UBA5: variants seen among roughly 807,000 people sequenced by gnomAD.
UBA5 encodes the protein ubiquitin like modifier activating enzyme 5.
In UBA5, 28 loss-of-function variants were observed where a neutral mutation model predicts 52.9. The observed-to-expected ratio is 0.53, with a 90% confidence interval of 0.39 to 0.73. The LOEUF (loss-of-function observed/expected upper bound fraction) is 0.73, where lower values mean the gene tolerates loss of function less well. Among genes scored for constraint, UBA5 ranks in the 30% least tolerant of loss-of-function variants. The probability of loss-of-function intolerance (pLI) is 0.00; values close to 1 mark genes in which losing one functional copy is unlikely to be tolerated. For synonymous variants in UBA5, 135 were observed against 162.1 expected (o/e 0.83, Z 1.27); for missense variants, 388 against 492.7 (o/e 0.79, Z 2.01).
chr3:132,676,300 T>C lies in UBA5; in HGVS notation c.1132-143T>C, dbSNP rs1938836547. The C allele has an allele frequency of 1.6e-6, 1 of 635,836 alleles. No homozygotes were observed. Among genetic ancestry groups the C allele is most frequent in the South Asian group, 2.0e-5 (1 of 49,882 alleles). The allele number at this position is 635,836 out of a possible 1,614,324, so 39.4% of individuals were successfully genotyped here. A position where few individuals can be genotyped will look rare whatever the true frequency, so the allele number is the denominator to read the frequency against. ...GGAATGTAAAAGACTCTGTCTTTCT[T>C]CTAAAAATTAGAAGATAGTTGTTAA... On this transcript the variant is annotated intron_variant, in intron 11 of 11. Coordinates refer to ENST00000356232, the MANE Select transcript of UBA5 (RefSeq NM_024818.6). The surrounding 1 kb of genome is among the most constrained non-coding windows in gnomAD (Gnocchi z 4.1).
At chr3:132,670,851 TA>T (rs1454913777) in intron 5 of UBA5, 113 bp from the exon 6 acceptor site, 1 of 597,286 alleles carries the variant, frequency 1.7e-6, no homozygotes, top group Non-Finnish European at 2.8e-6. Flanking sequence ...TATTATGTAA[TA>T]ATTATAGTCA....
upstream of UBA5, among the ~76,000 whole-genome samples, chr3:132,658,111 C>A (rs547137332): frequency 6.6e-6 from 1 of 152,278 alleles, no homozygotes; most frequent in Admixed American, 6.5e-5. Flanking sequence ...GATCCACGTG[C>A]CTCGGCCTCC....
At chr3:132,668,687 A>T in intron 3 of UBA5, 131 bp from the exon 4 acceptor site, 1 of 553,214 alleles carries the variant, frequency 1.8e-6, no homozygotes, top group Non-Finnish European at 3.2e-6. Context: ...TATGGCACCT[A>T]GTGTTGTAGA....
At chr3:132,667,804 C>T (rs961315531) in intron 3 of UBA5, 3 of 152,054 alleles carry the variant, frequency 2.0e-5, no homozygotes, top group Non-Finnish European at 2.9e-5. Context: ...TAATGTTTCC[C>T]GCAACTTATG....
At chr3:132,670,473 A>C (rs1472127674) in intron 5 of UBA5, among the ~76,000 whole-genome samples, 189 bp downstream of exon 5, 2 of 152,178 alleles carry the variant, frequency 1.3e-5, no homozygotes, top group African/African-American at 4.8e-5. Flanking sequence ...GTCCAAAAAC[A>C]ATTAAAAATA....
rs767273944 is a variant in UBA5 at position 132,660,985 on chromosome 3, C to T, written c.161+287C>T. The T allele has an allele frequency of 3.4e-5, 50 of 1,465,246 alleles. No homozygotes were observed. The highest frequency in any genetic ancestry group is 4.2e-5 in the African/African-American group (3 of 71,560). The allele number at this position is 1,465,246 out of a possible 1,614,324, so 90.8% of individuals were successfully genotyped here. On this transcript the variant is annotated intron_variant, in intron 1 of 11. Coordinates refer to ENST00000356232, the MANE Select transcript of UBA5 (RefSeq NM_024818.6). The surrounding 1 kb of genome is among the most constrained non-coding windows in gnomAD (Gnocchi z 4.1). ...CCCTTGCCTCTTAATTAGTCCGCCT[C>T]GCTGTGTATAAGACTGATAGTAAGA...
Position 132,660,733 on chromosome 3 carries a change from G to A in UBA5, c.161+35G>A, listed in dbSNP as rs1164786040. On this transcript the variant is annotated intron_variant, in intron 1 of 11. Coordinates refer to ENST00000356232, the MANE Select transcript of UBA5 (RefSeq NM_024818.6). This position sits in a 1 kb window ranked among gnomAD's most constrained non-coding sequence, Gnocchi z 4.1. Reference sequence around the variant, plus strand: ...GTCGCCGGTCGGAGGCAGGCGCGGGGGACGAGGTCAGGCTCCGTGAGGTCA... The same window carrying A: ...GTCGCCGGTCGGAGGCAGGCGCGGGAGACGAGGTCAGGCTCCGTGAGGTCA... 11 of 1,506,090 alleles carry A rather than the reference G, an allele frequency of 7.3e-6. No individual in the cohort carries two copies. The highest frequency in any genetic ancestry group is 9.8e-6 in the Non-Finnish European group (11 of 1,121,114). 93.3% of individuals were successfully genotyped at this position (1,506,090 alleles called of 1,614,324 possible). A position where few individuals can be genotyped will look rare whatever the true frequency, so the allele number is the denominator to read the frequency against.
chr3:132,669,007 T>C, intron 4 of UBA5, 80 bp downstream of exon 4: 1 of 990,196 alleles, frequency 1.0e-6, no homozygotes. Flanking sequence ...TAAATGAATC[T>C]TAATTTTTCT....
upstream of UBA5, chr3:132,659,576 G>A: frequency 2.5e-6 from 4 of 1,606,200 alleles, no homozygotes; most frequent in Non-Finnish European, 3.4e-6. Context: ...ATTTTTTTCC[G>A]CTGGAGGCAA....
chr3:132,662,682 C>T (rs1285914818), intron 1 of UBA5, among the ~76,000 whole-genome samples: 1 of 152,128 alleles, frequency 6.6e-6, no homozygotes, highest in Middle Eastern at 3.2e-3. Context: ...TTAAAAAACA[C>T]AAGTAACCGT....
At position 132,665,144 on chromosome 3, in the gene UBA5, C is replaced by G. The variant is rs6786305; in HGVS notation, c.162-679C>G. On this transcript the variant is annotated intron_variant, in intron 1 of 11. Transcript: ENST00000356232. ...AATGCTAAGAGCAAAATCTGATTCA[C>G]GTAATTGACTAAAACTGAAAAGAAA... Among the ~76,000 whole-genome samples the G allele has an allele frequency of 1.2e-3, 183 of 151,980 alleles. 1 individual carries two copies. Among genetic ancestry groups the G allele is most frequent in the African/African-American group, 3.8e-3 (157 of 41,466 alleles).
At position 132,666,066 on chromosome 3, in the gene UBA5, T is replaced by C. The variant is rs765075923; in HGVS notation, c.290T>C (p.Ile97Thr). ...VTAEMLTRCGIGKLLLFDYDK... is the reference protein window; with the variant it reads ...VTAEMLTRCGTGKLLLFDYDK... ...GCTGAAATGCTGACAAGATGTGGCATTGGTAAGGTAAAAACATTTCTCTTT... is the reference window on the plus strand; with the variant it reads ...GCTGAAATGCTGACAAGATGTGGCACTGGTAAGGTAAAAACATTTCTCTTT... Residue 97 changes from isoleucine to threonine, a missense_variant, in exon 3 of 12, where the codon ATT (isoleucine) becomes ACT (threonine). By Grantham distance (89) the Ile-to-Thr change is moderately conservative. Transcript: ENST00000356232. 7.4e-6 allele frequency: 12 copies of C among 1,613,360 alleles called. No homozygotes were observed. The highest frequency in any genetic ancestry group is 2.2e-5 in the South Asian group (2 of 91,068).
rs1416422003 is a variant in UBA5 at position 132,673,227 on chromosome 3, T to C, written c.812+1050T>C. ...GGCTAACAAAGTATTCCCTTAAGGA[T>C]GTGTCCTATTTAGCTAGCCCCTCTA... is the stretch of plus-strand genomic sequence containing the variant. On this transcript the variant is annotated intron_variant, in intron 8 of 11. Coordinates refer to ENST00000356232, the MANE Select transcript of UBA5 (RefSeq NM_024818.6). Among the ~76,000 whole-genome samples, 4 of 152,218 alleles carry C rather than the reference T, an allele frequency of 2.6e-5. No individual in the cohort carries two copies. The East Asian group carries it at 7.7e-4, about 29-fold the overall frequency.
At chr3:132,672,018 T>G (rs1300287800) in intron 7 of UBA5, 32 bp from the exon 8 acceptor site, 2 of 1,609,556 alleles carry the variant, frequency 1.2e-6, no homozygotes, top group Non-Finnish European at 1.7e-6. Flanking sequence ...TTTTTCTCTT[T>G]TTTTTTGAAA....
chr3:132,655,178 A>G (rs1937716913), intron 1 of UBA5, among the ~76,000 whole-genome samples: 1 of 152,120 alleles, frequency 6.6e-6, no homozygotes, highest in African/African-American at 2.4e-5. Flanking sequence ...CTTCTTACCC[A>G]TTCTACACTC....
At chr3:132,675,735 A>G in intron 10 of UBA5, 55 bp downstream of exon 10, 1 of 1,541,076 alleles carries the variant, frequency 6.5e-7, no homozygotes, top group Non-Finnish European at 8.9e-7. Context: ...CTTTTATGGT[A>G]GCAAATCTAA....
chr3:132,656,041 C>T (rs1937775102), upstream of UBA5, among the ~76,000 whole-genome samples: 1 of 152,162 alleles, frequency 6.6e-6, no homozygotes, highest in Admixed American at 6.5e-5. Context: ...GTATGTCCTT[C>T]CCCTTGAGTG....
chr3:132,668,711 A>G, intron 3 of UBA5, 107 bp from the exon 4 acceptor site: 1 of 674,048 alleles, frequency 1.5e-6, no homozygotes, highest in Non-Finnish European at 2.5e-6. Flanking sequence ...AGCTAATATT[A>G]TTATCAAACT....
chr3:132,659,193 GT>G (rs1937990194), upstream of UBA5, among the ~76,000 whole-genome samples: 1 of 152,092 alleles, frequency 6.6e-6, no homozygotes, highest in Non-Finnish European at 1.5e-5. Flanking sequence ...CCTCCATCTG[GT>G]GTCATTAACT....
Sources: allele counts gnomAD v4.1 joint callset (sites outside exome capture counted in the v4.1 genomes callset), GRCh38; gene constraint gnomAD v4.1.1; non-coding constraint Gnocchi (gnomAD v3.1); transcripts MANE v1.5; gene names NCBI Gene and HGNC (gene_info 2026-07-23, HGNC 2026-07-21).